The following RORA variants were observed in gnomAD, a reference collection of about 807,000 sequenced individuals.
RORA encodes the protein nuclear receptor ROR-alpha.
In RORA, 7 loss-of-function variants were observed where a neutral mutation model predicts 69.5. The observed-to-expected ratio is 0.10, with a 90% CI of 0.06 to 0.19. RORA has a LOEUF of 0.19. RORA is among the 10% of genes least tolerant of loss of function. The pLI is 1.00. For synonymous variants in RORA, 261 were observed against 240.8 expected (o/e 1.08, Z -0.78); for missense variants, 457 against 663.0 (o/e 0.69, Z 3.41).
chr15:60,516,436 A>G (rs2065961987), intron 3 of RORA, among the ~76,000 whole-genome samples: 1 of 148,434 alleles, frequency 6.7e-6, no homozygotes, highest in Non-Finnish European at 1.5e-5. Flanking sequence ...TTTGCAAGCT[A>G]GGGATGTATG....
intron 1 of RORA, chr15:60,764,157 A>G (rs1415069422): frequency 6.6e-6 from 1 of 152,206 alleles, no homozygotes; most frequent in Non-Finnish European, 1.5e-5. Flanking sequence ...AGTTTCCCTA[A>G]AGCAGGTCTG....
intron 1 of RORA, among the ~76,000 whole-genome samples, chr15:60,943,686 TG>T (rs1044979852): frequency 2.0e-5 from 3 of 149,532 alleles, no homozygotes; most frequent in Non-Finnish European, 4.5e-5. Context: ...GAGGCTGAGG[TG>T]GGGGGATTGC....
intron 1 of RORA, among the ~76,000 whole-genome samples, chr15:60,731,188 G>A (rs543727197): frequency 2.0e-5 from 3 of 152,280 alleles, no homozygotes; most frequent in East Asian, 3.9e-4. Context: ...GTCAGTGATG[G>A]TGGATAAGGT....
chr15:61,218,674 T>TCACACACACA (rs3054672), intron 1 of RORA, among the ~76,000 whole-genome samples: 5,432 of 142,840 alleles, frequency 0.038, 163 homozygotes, highest in African/African-American at 0.073. Context: ...CTAATATAAC[T>TCACACACACA]CACACACACA....
chr15:60,807,436 A>T (rs1460466144), intron 1 of RORA, among the ~76,000 whole-genome samples: 2 of 152,250 alleles, frequency 1.3e-5, no homozygotes, highest in Non-Finnish European at 2.9e-5. Context: ...TGACACAAAC[A>T]AATGAAAACA....
chr15:60,564,124 T>C (rs1019693787), intron 2 of RORA, among the ~76,000 whole-genome samples: 1 of 152,200 alleles, frequency 6.6e-6, no homozygotes, highest in Non-Finnish European at 1.5e-5. Flanking sequence ...TGTGGAGACA[T>C]GTTGAGAAGC....
intron 3 of RORA, among the ~76,000 whole-genome samples, chr15:60,522,030 A>G (rs553918661): frequency 6.2e-4 from 94 of 152,306 alleles, no homozygotes; most frequent in African/African-American, 2.1e-3. Context: ...CGCTTGGCAA[A>G]CTGGGACAGA....
chr15:61,063,638 G>T (rs1041222658), intron 1 of RORA, among the ~76,000 whole-genome samples: 14 of 152,134 alleles, frequency 9.2e-5, no homozygotes, highest in Admixed American at 7.9e-4. Context: ...GTTTCTAAAG[G>T]CTCAGTCTCT....
chr15:60,640,997 G>A (rs1252367141), intron 2 of RORA, among the ~76,000 whole-genome samples: 3 of 152,154 alleles, frequency 2.0e-5, no homozygotes, highest in Non-Finnish European at 2.9e-5. Context: ...CTATTGCCCA[G>A]GTGGTAGTTC....
intron 1 of RORA, among the ~76,000 whole-genome samples, chr15:61,033,812 T>C (rs1240658892): frequency 1.3e-5 from 2 of 152,126 alleles, no homozygotes; most frequent in Admixed American, 6.6e-5. Context: ...TGCATGCCTA[T>C]AGTCCCGACT....
chr15:61,051,012 T>C (rs904802225), intron 1 of RORA, among the ~76,000 whole-genome samples: 3 of 152,202 alleles, frequency 2.0e-5, no homozygotes, highest in Non-Finnish European at 4.4e-5. Flanking sequence ...ACAGAAGTAG[T>C]GGAGAGGGTA....
intron 1 of RORA, among the ~76,000 whole-genome samples, chr15:60,985,123 C>G (rs1010381770): frequency 2.0e-5 from 3 of 152,078 alleles, no homozygotes; most frequent in Admixed American, 2.0e-4. Context: ...ATCAAGTTTC[C>G]TAAAATTTGG....
At chr15:60,704,288 A>G (rs959456278) in intron 1 of RORA, among the ~76,000 whole-genome samples, 1 of 152,216 alleles carries the variant, frequency 6.6e-6, no homozygotes, top group Non-Finnish European at 1.5e-5. Context: ...AGGAGGGGCC[A>G]CACCGGCATG....
At chr15:60,838,765 T>C (rs1292753551) in intron 1 of RORA, among the ~76,000 whole-genome samples, 1 of 151,034 alleles carries the variant, frequency 6.6e-6, no homozygotes, top group Non-Finnish European at 1.5e-5. Context: ...TTAACTCAGT[T>C]CCCCCAGACA....
chr15:61,184,814 C>A (rs1479258648), intron 1 of RORA, among the ~76,000 whole-genome samples: 2 of 151,330 alleles, frequency 1.3e-5, no homozygotes, highest in African/African-American at 4.9e-5. Context: ...AGTGAGACCC[C>A]TACAAAAAAT....
intron 1 of RORA, among the ~76,000 whole-genome samples, chr15:61,140,008 C>G (rs1433229667): frequency 6.6e-6 from 1 of 152,178 alleles, no homozygotes; most frequent in Non-Finnish European, 1.5e-5. Context: ...ACTTCCCAGA[C>G]TTCATTTGCA....
intron 1 of RORA, among the ~76,000 whole-genome samples, chr15:60,929,542 A>G (rs985862391): frequency 6.6e-6 from 1 of 152,350 alleles, no homozygotes; most frequent in East Asian, 1.9e-4. Context: ...AGTTTTTACT[A>G]CTTGATGGAA....
rs1259074928 is a variant in RORA, at chr15:60,531,336, C to G, written c.282+430G>C. 1.2e-5 allele frequency: 2 copies of G among 161,932 alleles called. No individual in the cohort carries two copies. The highest frequency in any genetic ancestry group is 2.7e-5 in the Non-Finnish European group (2 of 75,370). 10.0% of individuals were successfully genotyped at this position (161,932 alleles called of 1,614,324 possible). A position where few individuals can be genotyped will look rare whatever the true frequency, so the allele number is the denominator to read the frequency against. ...TCAGGTCTTCCTGATAGCTTTCCCA[C>G]AATTTTGCCAGATGTGTTAACATTA... On this transcript the variant is annotated intron_variant, in intron 3 of 10. Transcript: ENST00000335670. The surrounding 1 kb of genome is among the most constrained non-coding windows in gnomAD (Gnocchi z 4.8).
At chr15:60,739,328 T>G (rs1485824455) in intron 1 of RORA, among the ~76,000 whole-genome samples, 1 of 152,126 alleles carries the variant, frequency 6.6e-6, no homozygotes, top group Non-Finnish European at 1.5e-5. Context: ...ATCCCAGCAC[T>G]TTGGGAGGCC....
Sources: gnomAD v4.1 joint callset for allele counts (sites outside exome capture counted in the v4.1 genomes callset) on GRCh38, gnomAD v4.1.1 for gene constraint, Gnocchi (gnomAD v3.1) non-coding constraint, MANE v1.5 for transcripts, NCBI Gene and HGNC (gene_info 2026-07-23, HGNC 2026-07-21) for gene names.